Variants in SQOR observed in about 807,000 individuals in gnomAD.
The protein encoded by SQOR is sulfide:quinone oxidoreductase, mitochondrial.
In SQOR, 39 loss-of-function variants were observed where a neutral mutation model predicts 48.6. The ratio of observed to expected loss-of-function variants is 0.80; its 90% CI spans 0.62 to 1.05. The LOEUF (loss-of-function observed/expected upper bound fraction) is 1.05, where lower values mean the gene tolerates loss of function less well. SQOR is among the 50% of genes least tolerant of loss of function. SQOR has a pLI of 0.00. For missense variants in SQOR, 561 were observed against 559.9 expected (o/e 1.00, Z -0.02); for synonymous variants, 220 against 206.2 (o/e 1.07, Z -0.57).
chr15:45,687,898 G>C (rs1445207181), intron 7 of SQOR, among the ~76,000 whole-genome samples: 1 of 152,130 alleles, frequency 6.6e-6, no homozygotes, highest in Non-Finnish European at 1.5e-5. Flanking sequence ...GCCTCAGCCA[G>C]GACAGTCCGG....
At chr15:45,663,030 T>C (rs779042271) in intron 3 of SQOR, among the ~76,000 whole-genome samples, 1 of 152,244 alleles carries the variant, frequency 6.6e-6, no homozygotes, top group South Asian at 2.1e-4. Context: ...AGGCATTATT[T>C]TTTTTGAGAC....
At position 45,669,915 on chromosome 15, in the gene SQOR, T is replaced by C. The variant is rs1243306072; in HGVS notation, c.406-13T>C. ...TGAGTCCTGGTCTAAAATAATGTCTTTTTGTGTTGCAGATCTCCTACCGAT... is the reference window on the plus strand; with the variant it reads ...TGAGTCCTGGTCTAAAATAATGTCTCTTTGTGTTGCAGATCTCCTACCGAT... On this transcript the variant is annotated splice_polypyrimidine_tract_variant and intron_variant, in intron 3 of 9. Transcript: ENST00000260324. 10 of 1,613,350 alleles carry C rather than the reference T, an allele frequency of 6.2e-6. No individual in the cohort carries two copies. Among genetic ancestry groups the C allele is most frequent in the Non-Finnish European group, 8.5e-6 (10 of 1,179,278 alleles).
Position 45,674,075 on chromosome 15 carries a change from T to C in SQOR, c.654+274T>C. 3 of 419,748 alleles carry C rather than the reference T, an allele frequency of 7.1e-6. No individual in the cohort carries two copies. In the South Asian group the frequency reaches 8.3e-5, roughly 12 times the overall value. 26.0% of individuals were successfully genotyped at this position (419,748 alleles called of 1,614,324 possible). On this transcript the variant is annotated intron_variant, in intron 5 of 9. Transcript: ENST00000260324. ...AATATGGTTACAGTCATAGTGTACA[T>C]GAAAAATTTAGCTGTATTATGTAAT...
chr15:45,671,651 T>A (rs972505957), intron 4 of SQOR, among the ~76,000 whole-genome samples: 1 of 152,230 alleles, frequency 6.6e-6, no homozygotes, highest in Non-Finnish European at 1.5e-5. Context: ...ATGAAAATAC[T>A]GAGATGTTTC....
In SQOR at chr15:45,676,344, G is replaced by A. The variant is rs200616957; in HGVS notation, c.864+34G>A. On this transcript the variant is annotated intron_variant, in intron 6 of 9. Transcript: ENST00000260324. ...TGAGGCTAAGCTGTCAGCATGAAGC[G>A]TTGTCTGCTGAAACGTGCCATAGAT... 172 of 1,603,302 alleles carry A rather than the reference G, an allele frequency of 1.1e-4. 1 individual carries two copies. In the East Asian group the frequency reaches 2.5e-3, roughly 23 times the overall value.
intron 1 of SQOR, among the ~76,000 whole-genome samples, chr15:45,635,401 C>T (rs979829347): frequency 6.6e-6 from 1 of 152,202 alleles, no homozygotes; most frequent in Non-Finnish European, 1.5e-5. Flanking sequence ...CCGAAGTATC[C>T]GTGGTCTTGG....
chr15:45,660,787 G>A (rs1889703749), intron 2 of SQOR, among the ~76,000 whole-genome samples: 1 of 152,126 alleles, frequency 6.6e-6, no homozygotes, highest in African/African-American at 2.4e-5. Flanking sequence ...TTGCTTGTAG[G>A]GAGATTGCAA....
At chr15:45,675,136 G>A (rs1232925042) in intron 5 of SQOR, among the ~76,000 whole-genome samples, 2 of 152,132 alleles carry the variant, frequency 1.3e-5, no homozygotes, top group Non-Finnish European at 2.9e-5. Flanking sequence ...GTGAGATCCG[G>A]GTGAGCAAAT....
At chr15:45,659,783 A>G (rs1166127802) in intron 2 of SQOR, among the ~76,000 whole-genome samples, 1 of 152,178 alleles carries the variant, frequency 6.6e-6, no homozygotes, top group Non-Finnish European at 1.5e-5. Context: ...CAAAGACCCT[A>G]TTTCCAAATA....
chr15:45,646,807 C>T (rs576541704), intron 1 of SQOR, among the ~76,000 whole-genome samples: 3 of 152,174 alleles, frequency 2.0e-5, no homozygotes, highest in East Asian at 3.9e-4. Context: ...TTCATCTACA[C>T]CCCTACCCAC....
intron 2 of SQOR, among the ~76,000 whole-genome samples, chr15:45,661,740 G>A (rs1359457752): frequency 6.6e-6 from 1 of 152,152 alleles, no homozygotes; most frequent in African/African-American, 2.4e-5. Context: ...CTTTTCTGAT[G>A]ATCTTGGAAG....
intron 1 of SQOR, among the ~76,000 whole-genome samples, chr15:45,641,989 C>T (rs1895113016): frequency 6.6e-6 from 1 of 152,208 alleles, no homozygotes. Context: ...GAAACAGCCG[C>T]TTAATGGATC....
At chr15:45,681,305 G>A (rs11638261) in intron 6 of SQOR, among the ~76,000 whole-genome samples, 5 of 152,108 alleles carry the variant, frequency 3.3e-5, no homozygotes, top group Non-Finnish European at 7.4e-5. Flanking sequence ...CATGCATTCA[G>A]TTTCAACGTT....
chr15:45,661,800 GC>G (rs1382409907), intron 2 of SQOR, among the ~76,000 whole-genome samples, 154 bp from the exon 3 acceptor site: 2 of 152,162 alleles, frequency 1.3e-5, no homozygotes, highest in Non-Finnish European at 2.9e-5. Flanking sequence ...AATAGGAGAC[GC>G]CTAATAGACG....
intron 3 of SQOR, among the ~76,000 whole-genome samples, chr15:45,668,173 T>A (rs1388920724): frequency 6.6e-6 from 1 of 152,074 alleles, no homozygotes; most frequent in Non-Finnish European, 1.5e-5. Context: ...CTCGAACTCC[T>A]GACCTTTTGA....
At chr15:45,634,367 G>C (rs893284715), upstream of SQOR, among the ~76,000 whole-genome samples, 2 of 151,436 alleles carry the variant, frequency 1.3e-5, no homozygotes, top group Non-Finnish European at 2.9e-5. Context: ...TTGTAAAAAG[G>C]GTTACTGAAT....
chr15:45,639,666 A>G (rs1428772163), intron 1 of SQOR, among the ~76,000 whole-genome samples: 1 of 152,364 alleles, frequency 6.6e-6, no homozygotes, highest in Admixed American at 6.5e-5. Context: ...TGATGTCTCC[A>G]TAGGAAAATG....
chr15:45,640,733 T>C (rs1242194401), intron 1 of SQOR, among the ~76,000 whole-genome samples: 1 of 152,206 alleles, frequency 6.6e-6, no homozygotes, highest in Non-Finnish European at 1.5e-5. Context: ...CTCCTGAGGC[T>C]GATGAGTAAT....
At chr15:45,653,556 T>C (rs1277415534) in intron 1 of SQOR, among the ~76,000 whole-genome samples, 2 of 152,152 alleles carry the variant, frequency 1.3e-5, no homozygotes, top group African/African-American at 4.8e-5. Context: ...TCTTGTCTTG[T>C]TATAGAGCTC....
Sources: allele counts gnomAD v4.1 joint callset (sites outside exome capture counted in the v4.1 genomes callset), GRCh38; gene constraint gnomAD v4.1.1; transcripts MANE v1.5; gene names NCBI Gene and HGNC (gene_info 2026-07-23, HGNC 2026-07-21).